The following CDC45 variants were observed in gnomAD, a reference collection of about 807,000 sequenced individuals.
CDC45 encodes the protein cell division cycle 45.
In CDC45, 54 loss-of-function variants were observed where a neutral mutation model predicts 77.8. The observed-to-expected ratio is 0.69, with a 90% confidence interval of 0.56 to 0.87. CDC45 has a LOEUF of 0.87. Among genes scored for constraint, CDC45 ranks in the 40% least tolerant of loss-of-function variants. CDC45 has a pLI of 0.00. For missense variants in CDC45, 649 were observed against 721.6 expected (o/e 0.90, Z 1.15); for synonymous variants, 260 against 272.1 (o/e 0.96, Z 0.44).
chr22:19,515,547 GTCC>G (rs1283835797), intron 15 of CDC45, among the ~76,000 whole-genome samples: 1 of 152,188 alleles, frequency 6.6e-6, no homozygotes, highest in Non-Finnish European at 1.5e-5. Context: ...AATAATTGAA[GTCC>G]TCCTCTGCTT....
chr22:19,493,434 T>G (rs1230102205), intron 5 of CDC45, among the ~76,000 whole-genome samples: 10 of 151,256 alleles, frequency 6.6e-5, no homozygotes, highest in South Asian at 2.1e-4. Flanking sequence ...TTGTTTTTTT[T>G]TTTTTGTTGT....
chr22:19,504,056 G>A (rs1933013829), intron 9 of CDC45, among the ~76,000 whole-genome samples: 3 of 152,222 alleles, frequency 2.0e-5, no homozygotes, highest in South Asian at 2.1e-4. Flanking sequence ...ACTGAACAGC[G>A]AAGGCGCACC....
At position 19,499,171 on chromosome 22, in the gene CDC45, C is replaced by T. The variant is rs1468252597; in HGVS notation, c.704+20C>T. On this transcript the variant is annotated intron_variant, in intron 9 of 18. Transcript: ENST00000263201. The stretch of plus-strand genomic sequence containing the variant: ...CACTCAGTAAGGACACACTCCCTTG[C>T]CTTGCAGGGTCAGCCCTGTGCTGTG... The T allele has an allele frequency of 3.1e-6, 5 of 1,612,712 alleles. No homozygotes were observed. The highest frequency in any genetic ancestry group is 2.2e-5 in the East Asian group (1 of 44,848).
chr22:19,518,946 G>GC, intron 18 of CDC45, 37 bp downstream of exon 18: 1 of 1,513,048 alleles, frequency 6.6e-7, no homozygotes. Flanking sequence ...GGCTGCAGCA[G>GC]CCCCCTCAGA....
At chr22:19,484,820 G>A (rs545661674) in intron 5 of CDC45, among the ~76,000 whole-genome samples, 1 of 152,152 alleles carries the variant, frequency 6.6e-6, no homozygotes, top group Admixed American at 6.5e-5. Context: ...TCTCACCTTT[G>A]TCACCCCTTT....
chr22:19,503,737 T>C (rs1244071008), intron 9 of CDC45, among the ~76,000 whole-genome samples: 2 of 152,168 alleles, frequency 1.3e-5, no homozygotes, highest in Middle Eastern at 3.2e-3. Flanking sequence ...ACGAGGCCCT[T>C]CCTATTATTA....
chr22:19,518,969 T>G, intron 18 of CDC45, 60 bp downstream of exon 18: 1 of 1,233,684 alleles, frequency 8.1e-7, no homozygotes, highest in Non-Finnish European at 1.2e-6. Flanking sequence ...CCGACCCTGA[T>G]GCCCTGCTCT....
Position 19,505,379 on chromosome 22 carries a change from A to T in CDC45, c.722A>T (p.Asp241Val), listed in dbSNP as rs1344078105. The change falls in exon 10 of 19, where the codon GAT becomes GTT. Residue 241 changes from aspartate (D) to valine (V), a missense_variant. By Grantham distance (152) the Asp-to-Val change is radical. Coordinates refer to ENST00000263201, the MANE Select transcript of CDC45 (RefSeq NM_003504.5). ...TTTTCCAGAATGAAATACGTGACTG[A>T]TGTTGGTGTCCTGCAGCGCCACGTT... ...DKITQMKYVT[D>V]VGVLQRHVSR... The T allele has an allele frequency of 6.2e-7, 1 of 1,613,654 alleles. No individual in the cohort carries two copies. The highest frequency in any genetic ancestry group is 8.5e-7 in the Non-Finnish European group (1 of 1,179,988).
At position 19,518,914 on chromosome 22, in the gene CDC45, G is replaced by A. The variant is rs372173077; in HGVS notation, c.*1+5G>A. 7 of 1,612,236 alleles carry A rather than the reference G, an allele frequency of 4.3e-6. No individual in the cohort carries two copies. The highest frequency in any genetic ancestry group is 1.7e-5 in the Admixed American group (1 of 60,018). Reference sequence around the variant, plus strand: ...TTATTTCCCTCCTGTCCTAGGGTGAGTTACAGGGGTTCTGCAGGGGTGGCT... The same window carrying A: ...TTATTTCCCTCCTGTCCTAGGGTGAATTACAGGGGTTCTGCAGGGGTGGCT... On this transcript the variant is annotated splice_donor_5th_base_variant and intron_variant, in intron 18 of 18. Coordinates refer to ENST00000263201, the MANE Select transcript of CDC45 (RefSeq NM_003504.5).
intron 13 of CDC45, 24 bp from the exon 14 acceptor site, chr22:19,514,725 A>G: frequency 1.3e-6 from 2 of 1,567,278 alleles, no homozygotes; most frequent in Non-Finnish European, 1.7e-6. Flanking sequence ...GCACCACCAA[A>G]GCCATGTGTC....
chr22:19,488,889 T>G (rs1210351159), intron 5 of CDC45, among the ~76,000 whole-genome samples: 1 of 152,194 alleles, frequency 6.6e-6, no homozygotes, highest in East Asian at 1.9e-4. Context: ...TTTGCCCAGC[T>G]TCCCCCAATG....
intron 13 of CDC45, among the ~76,000 whole-genome samples, chr22:19,513,764 A>G (rs1933635595): frequency 6.6e-6 from 1 of 152,234 alleles, no homozygotes. Context: ...TATATCTGAC[A>G]ATATCTTTAT....
intron 5 of CDC45, among the ~76,000 whole-genome samples, chr22:19,493,386 A>C (rs1166821174): frequency 6.6e-6 from 1 of 150,440 alleles, no homozygotes; most frequent in Non-Finnish European, 1.5e-5. Context: ...AGAGTCCCTA[A>C]CTGCTCTGCC....
intron 18 of CDC45, among the ~76,000 whole-genome samples, chr22:19,519,176 C>T (rs13447291): frequency 4.6e-5 from 7 of 152,218 alleles, no homozygotes; most frequent in Admixed American, 2.0e-4. Flanking sequence ...CTGCTGACCA[C>T]ACTTGGGCTG....
At chr22:19,481,090 G>A (rs752146518) in intron 3 of CDC45, 45 bp downstream of exon 3, 2 of 1,215,832 alleles carry the variant, frequency 1.6e-6, no homozygotes, top group Admixed American at 1.7e-5. Context: ...TTACTCAATT[G>A]TAATTTCTTG....
chr22:19,497,615 G>A (rs1026016568), intron 8 of CDC45, among the ~76,000 whole-genome samples, 168 bp downstream of exon 8: 4 of 152,170 alleles, frequency 2.6e-5, no homozygotes, highest in African/African-American at 9.7e-5. Context: ...TCCTAACTGT[G>A]AAGCCCTGGG....
At chr22:19,514,614 A>G (rs1933679085) in intron 13 of CDC45, 135 bp from the exon 14 acceptor site, 1 of 687,796 alleles carries the variant, frequency 1.5e-6, no homozygotes, top group Non-Finnish European at 2.4e-6. Context: ...AAGACAACTC[A>G]GGAGGGAAAG....
chr22:19,505,502 G>C (rs778300534), intron 10 of CDC45, 21 bp downstream of exon 10: 1 of 1,613,144 alleles, frequency 6.2e-7, no homozygotes, highest in Non-Finnish European at 8.5e-7. Flanking sequence ...GGCCCAGCCT[G>C]AGGGGCACAG....
intron 5 of CDC45, among the ~76,000 whole-genome samples, chr22:19,491,542 C>T (rs1302321418): frequency 3.9e-5 from 6 of 152,012 alleles, no homozygotes; most frequent in African/African-American, 7.3e-5. Context: ...CTCTGGCTGC[C>T]GTGATTTCTC....
Sources: allele counts gnomAD v4.1 joint callset (sites outside exome capture counted in the v4.1 genomes callset), GRCh38; gene constraint gnomAD v4.1.1; transcripts MANE v1.5; gene names NCBI Gene and HGNC (gene_info 2026-07-23, HGNC 2026-07-21).